The following NTF3 variants were observed in gnomAD, a reference collection of about 807,000 sequenced individuals.
NTF3 encodes the protein neurotrophin 3, also known as neurotrophin-3.
A neutral mutation model predicts 26.3 loss-of-function variants in NTF3; 8 were observed. That is an observed-to-expected ratio of 0.30 (90% CI 0.18 to 0.55). The LOEUF is 0.55. Among genes scored for constraint, NTF3 ranks in the 20% least tolerant of loss-of-function variants. The pLI is 0.93. For missense variants in NTF3, 276 were observed against 352.9 expected, an observed-to-expected ratio of 0.78 and a Z score of 1.75; for synonymous variants, 154 against 145.5, an observed-to-expected ratio of 1.06 and a Z score of -0.42.
intron 1 of NTF3, among the ~76,000 whole-genome samples, chr12:5,462,810 T>A (rs1345495832): frequency 2.6e-5 from 4 of 152,206 alleles, no homozygotes; most frequent in Non-Finnish European, 5.9e-5. Flanking sequence ...ACATGATGGA[T>A]GTTCTTTTTG....
Position 5,459,126 on chromosome 12 carries a change from G to A in NTF3, c.18+26784G>A, listed in dbSNP as rs116944493. 4.1e-4 allele frequency among the ~76,000 whole-genome samples: 63 copies of A among 152,226 alleles called. 1 individual carries two copies. In the East Asian group the frequency reaches 0.01, roughly 25 times the overall value. ...TTCCCCTGGTGAGCACTGCAGTTGTGTTCTTCCTCCCAAAGGTAATGCCTG... is the reference window on the plus strand; with the variant it reads ...TTCCCCTGGTGAGCACTGCAGTTGTATTCTTCCTCCCAAAGGTAATGCCTG... On this transcript the variant is annotated intron_variant, in intron 1 of 1. Coordinates refer to ENST00000423158, the MANE Select transcript of NTF3 (RefSeq NM_001102654.2).
At chr12:5,445,250 C>T (rs528845208) in intron 1 of NTF3, among the ~76,000 whole-genome samples, 29 of 130,944 alleles carry the variant, frequency 2.2e-4, no homozygotes, top group Non-Finnish European at 3.4e-4. Flanking sequence ...GATTTCTGGA[C>T]GTCAGATCCA....
upstream of NTF3, among the ~76,000 whole-genome samples, chr12:5,431,540 CT>C (rs1188937646): frequency 6.6e-6 from 1 of 151,612 alleles, no homozygotes; most frequent in Non-Finnish European, 1.5e-5. Flanking sequence ...CGTGTTCGTG[CT>C]GTGGGGTGGG....
rs7301563 is a variant in NTF3 at position 5,456,966 on chromosome 12, C to T, written c.18+24624C>T. Among the ~76,000 whole-genome samples the T allele has an allele frequency of 0.14, 20,766 of 152,138 alleles. 1,790 individuals are homozygous for T. Among genetic ancestry groups the T allele is most frequent in the Middle Eastern group, 0.22 (64 of 292 alleles). On this transcript the variant is annotated intron_variant, in intron 1 of 1. Transcript: ENST00000423158. This position sits in a 1 kb window ranked among gnomAD's most constrained non-coding sequence, Gnocchi z 4.4. ...GGCCCGCAGAACGGCCTCCCATCTC[C>T]ACTGCCCGTCCCCAGGTCCACAGGC...
At chr12:5,442,635 G>A (rs1940253300) in intron 1 of NTF3, among the ~76,000 whole-genome samples, 1 of 152,154 alleles carries the variant, frequency 6.6e-6, no homozygotes, top group South Asian at 2.1e-4. Flanking sequence ...CCTGCTCAAG[G>A]AGGCATTTAT....
At chr12:5,439,518 T>A (rs144388480) in intron 1 of NTF3, among the ~76,000 whole-genome samples, 1 of 152,332 alleles carries the variant, frequency 6.6e-6, no homozygotes, top group East Asian at 1.9e-4. Context: ...CTCCTTGTCA[T>A]GTGCAAGACA....
rs143980413 is a variant in NTF3, at chr12:5,439,688, A to G, written c.18+7346A>G. On this transcript the variant is annotated intron_variant, in intron 1 of 1. Coordinates refer to ENST00000423158, the MANE Select transcript of NTF3 (RefSeq NM_001102654.2). ...CCACAATTGCCTCCTTGTAAACTCT[A>G]TAAAATTGGAGCTGGACATCTGGTT... 6.6e-5 allele frequency among the ~76,000 whole-genome samples: 10 copies of G among 152,314 alleles called. No homozygotes were observed. The East Asian group carries it at 7.7e-4, about 12-fold the overall frequency.
intron 1 of NTF3, among the ~76,000 whole-genome samples, chr12:5,487,413 G>T (rs1274067178): frequency 6.6e-6 from 1 of 152,210 alleles, no homozygotes; most frequent in African/African-American, 2.4e-5. Context: ...TGGGGTATAG[G>T]TTTCTTGTCT....
intron 1 of NTF3, among the ~76,000 whole-genome samples, chr12:5,471,934 G>T (rs1266645696): frequency 6.6e-6 from 1 of 152,098 alleles, no homozygotes; most frequent in Non-Finnish European, 1.5e-5. Flanking sequence ...ATGCAGAGAT[G>T]TCTTATGTTC....
In NTF3 at chr12:5,494,015, G is replaced by C. The variant is rs939502454; in HGVS notation, c.19-179G>C. 3 of 612,814 alleles carry C rather than the reference G, an allele frequency of 4.9e-6. No individual in the cohort carries two copies. Among genetic ancestry groups the C allele is most frequent in the Non-Finnish European group, 8.6e-6 (3 of 350,358 alleles). 38.0% of individuals were successfully genotyped at this position (612,814 alleles called of 1,614,324 possible). On this transcript the variant is annotated intron_variant, in intron 1 of 1. Transcript: ENST00000423158. This position sits in a 1 kb window ranked among gnomAD's most constrained non-coding sequence, Gnocchi z 8.3. ...CTGGAGTGCATTCGCAGTATCTCCC[G>C]GGGGTGGGGGAAAGAAATCACCTCT...
At chr12:5,437,726 G>T (rs1032078637) in intron 1 of NTF3, among the ~76,000 whole-genome samples, 5 of 152,228 alleles carry the variant, frequency 3.3e-5, no homozygotes, top group African/African-American at 1.2e-4. Context: ...TAGGGTTTTA[G>T]ATTTAGTTTT....
intron 1 of NTF3, among the ~76,000 whole-genome samples, chr12:5,465,324 C>T (rs1940576329): frequency 6.6e-6 from 1 of 152,216 alleles, no homozygotes; most frequent in African/African-American, 2.4e-5. Context: ...CACCTTTGAT[C>T]TGGAATGATT....
chr12:5,481,652 CAGA>C (rs2121235493), intron 1 of NTF3, among the ~76,000 whole-genome samples: 4 of 134,382 alleles, frequency 3.0e-5, no homozygotes, highest in Non-Finnish European at 4.8e-5. Flanking sequence ...GATATACTCA[CAGA>C]ATACACACAT....
rs899643570 is a variant in NTF3, at chr12:5,456,439, T to C, written c.18+24097T>C. 6.6e-6 allele frequency among the ~76,000 whole-genome samples: 1 copy of C among 152,102 alleles called. No homozygotes were observed. Among genetic ancestry groups the C allele is most frequent in the African/African-American group, 2.4e-5 (1 of 41,408 alleles). On this transcript the variant is annotated intron_variant, in intron 1 of 1. Transcript: ENST00000423158. The surrounding 1 kb of genome is among the most constrained non-coding windows in gnomAD (Gnocchi z 4.4). ...GGAGCTGTGTACCCCTCAGACCCAG[T>C]TGGAACCCAGCCAAGAGTACTTAAT...
chr12:5,482,365 A>T (rs1166472310), intron 1 of NTF3, among the ~76,000 whole-genome samples: 1 of 152,150 alleles, frequency 6.6e-6, no homozygotes, highest in Non-Finnish European at 1.5e-5. Context: ...GCGCTGTGTG[A>T]TACTGAGTGC....
chr12:5,463,661 A>T (rs1940551362), intron 1 of NTF3, among the ~76,000 whole-genome samples: 1 of 152,000 alleles, frequency 6.6e-6, no homozygotes, highest in Non-Finnish European at 1.5e-5. Context: ...AAGAAGAAGG[A>T]CTCTTCTTTA....
At chr12:5,489,207 T>A (rs916582900) in intron 1 of NTF3, among the ~76,000 whole-genome samples, 2 of 152,158 alleles carry the variant, frequency 1.3e-5, no homozygotes, top group Admixed American at 6.5e-5. Context: ...GATGCTTTCA[T>A]AGGGAATACA....
intron 1 of NTF3, among the ~76,000 whole-genome samples, chr12:5,448,829 A>G (rs1940336643): frequency 6.6e-6 from 1 of 152,254 alleles, no homozygotes; most frequent in Admixed American, 6.5e-5. Flanking sequence ...TAGGATGTTC[A>G]GCATGCTTCA....
intron 1 of NTF3, among the ~76,000 whole-genome samples, chr12:5,438,463 T>C (rs1053973895): frequency 3.3e-5 from 5 of 152,208 alleles, no homozygotes; most frequent in African/African-American, 9.6e-5. Context: ...CGTGATGTCA[T>C]TGAAACAGAA....
Sources: gnomAD v4.1 joint callset for allele counts (sites outside exome capture counted in the v4.1 genomes callset) on GRCh38, gnomAD v4.1.1 for gene constraint, Gnocchi (gnomAD v3.1) non-coding constraint, MANE v1.5 for transcripts, NCBI Gene and HGNC (gene_info 2026-07-23, HGNC 2026-07-21) for gene names.